TREML2: variants seen among roughly 807,000 people sequenced by gnomAD.
The protein encoded by TREML2 is trem-like transcript 2 protein.
Under a neutral mutation model 25.9 loss-of-function variants are expected in TREML2, and 24 were observed. That is an observed-to-expected ratio of 0.93 (90% CI 0.67 to 1.30). TREML2 has a LOEUF of 1.30. Among genes scored for constraint, TREML2 ranks in the 50% most tolerant of loss-of-function variants. The pLI, the probability that TREML2 is intolerant of heterozygous loss-of-function variation, is 0.00. For synonymous variants in TREML2, 139 were observed against 155.2 expected (o/e 0.90, Z 0.77); for missense variants, 359 against 395.6 (o/e 0.91, Z 0.78).
At chr6:41,192,632 G>T in intron 4 of TREML2, 126 bp from the exon 5 acceptor site, 2 of 1,176,968 alleles carry the variant, frequency 1.7e-6, no homozygotes, top group Non-Finnish European at 2.5e-6. Context: ...CCTTAGGGTT[G>T]TGCTGGGTGG....
At chr6:41,200,558 T>A (rs1371136639) in intron 1 of TREML2, among the ~76,000 whole-genome samples, 1 of 152,198 alleles carries the variant, frequency 6.6e-6, no homozygotes, top group Non-Finnish European at 1.5e-5. Flanking sequence ...GGATGTGGCA[T>A]CAGCATTTCA....
At chr6:41,200,403 T>G (rs1256269091) in intron 1 of TREML2, among the ~76,000 whole-genome samples, 3 of 152,088 alleles carry the variant, frequency 2.0e-5, no homozygotes, top group African/African-American at 7.2e-5. Flanking sequence ...ACCCCCACCA[T>G]GCCCAGAACT....
At chr6:41,197,560 A>G (rs1281028979) in intron 2 of TREML2, among the ~76,000 whole-genome samples, 1 of 151,862 alleles carries the variant, frequency 6.6e-6, no homozygotes, top group African/African-American at 2.4e-5. Flanking sequence ...GTGTTCTCTG[A>G]CCCCCAGTAC....
rs1766266494 is a variant in TREML2 at position 41,201,068 on chromosome 6, C to G, written c.-60G>C. 6.3e-7 allele frequency: 1 copy of G among 1,590,086 alleles called. No homozygotes were observed. Among genetic ancestry groups the G allele is most frequent in the Non-Finnish European group, 8.6e-7 (1 of 1,158,812 alleles). Reference sequence around the variant, plus strand: ...ATCCAAGGTGAGGGCCCACCCGACACAGGATGTGCCACCTGGGCCTGCCAG... The same window carrying G: ...ATCCAAGGTGAGGGCCCACCCGACAGAGGATGTGCCACCTGGGCCTGCCAG... On this transcript the variant is annotated 5_prime_UTR_variant, in exon 1 of 5. Transcript: ENST00000483722.
In TREML2 at chr6:41,201,063, C is replaced by A; in HGVS notation, c.-55G>T. 2 of 1,601,558 alleles carry A rather than the reference C, an allele frequency of 1.2e-6. No individual in the cohort carries two copies. The highest frequency in any genetic ancestry group is 1.1e-5 in the South Asian group (1 of 90,502). On this transcript the variant is annotated 5_prime_UTR_variant, in exon 1 of 5. Coordinates refer to ENST00000483722, the MANE Select transcript of TREML2 (RefSeq NM_024807.4). ...TGGAGATCCAAGGTGAGGGCCCACC[C>A]GACACAGGATGTGCCACCTGGGCCT...
chr6:41,196,878 T>G (rs1307773048), intron 2 of TREML2, among the ~76,000 whole-genome samples: 5 of 152,206 alleles, frequency 3.3e-5, no homozygotes, highest in Non-Finnish European at 7.3e-5. Flanking sequence ...TTTCCCCACT[T>G]GGGGTTCTAG....
At chr6:41,194,970 G>A (rs1483997628) in intron 2 of TREML2, 137 bp from the exon 3 acceptor site, 3 of 730,096 alleles carry the variant, frequency 4.1e-6, no homozygotes, top group Non-Finnish European at 6.5e-6. Context: ...CTTGGGCCTA[G>A]GATTCTGGCT....
rs112022837 is a variant in TREML2, at chr6:41,192,344, C to G, written c.*83G>C. ...CACAAGTCCTCCAGCTTCATAAGATCGATACTGGCCCCAATCTTCACCCCT... is the reference window on the plus strand; with the variant it reads ...CACAAGTCCTCCAGCTTCATAAGATGGATACTGGCCCCAATCTTCACCCCT... On this transcript the variant is annotated 3_prime_UTR_variant, in exon 5 of 5. Coordinates refer to ENST00000483722, the MANE Select transcript of TREML2 (RefSeq NM_024807.4). 71 of 1,099,500 alleles carry G rather than the reference C, an allele frequency of 6.5e-5. No homozygotes were observed. The South Asian group carries it at 9.3e-4, about 14-fold the overall frequency. The allele number at this position is 1,099,500 out of a possible 1,614,324, so 68.1% of individuals were successfully genotyped here.
rs574472789 is a variant in TREML2, at chr6:41,189,821, T to G, written c.*2606A>C. Among the ~76,000 whole-genome samples, 1 of 152,236 alleles carries G rather than the reference T, an allele frequency of 6.6e-6. No individual in the cohort carries two copies. Among genetic ancestry groups the G allele is most frequent in the East Asian group, 1.9e-4 (1 of 5,178 alleles). On this transcript the variant is annotated 3_prime_UTR_variant, in exon 5 of 5. Transcript: ENST00000483722. Reference sequence around the variant, plus strand: ...TGTGGAGAGGAGGCCTGAAAGAGGGTTGCCATTTTTACAGTTGAATGTAAA... The same window carrying G: ...TGTGGAGAGGAGGCCTGAAAGAGGGGTGCCATTTTTACAGTTGAATGTAAA...
intron 1 of TREML2, among the ~76,000 whole-genome samples, chr6:41,198,815 C>A (rs1249158413): frequency 6.6e-6 from 1 of 152,104 alleles, no homozygotes; most frequent in Non-Finnish European, 1.5e-5. Context: ...AAGTGACAAG[C>A]TCTGTCTTCA....
chr6:41,199,315 T>G (rs2113909848), intron 1 of TREML2, among the ~76,000 whole-genome samples: 2 of 152,340 alleles, frequency 1.3e-5, no homozygotes, highest in Admixed American at 1.3e-4. Context: ...TAACAGTTAT[T>G]TATTTCACAA....
In TREML2 at chr6:41,192,615, G is replaced by A; in HGVS notation, c.887-109C>T. 5 of 1,261,732 alleles carry A rather than the reference G, an allele frequency of 4.0e-6. No homozygotes were observed. The South Asian group carries it at 6.3e-5, about 16-fold the overall frequency. The allele number at this position is 1,261,732 out of a possible 1,614,324, so 78.2% of individuals were successfully genotyped here. On this transcript the variant is annotated intron_variant, in intron 4 of 4. Coordinates refer to ENST00000483722, the MANE Select transcript of TREML2 (RefSeq NM_024807.4). ...TGGCTCTGCCTCTGGTTCCTTCCAG[G>A]TCATCCCCTTAGGGTTGTGCTGGGT...
At position 41,196,046 on chromosome 6, in the gene TREML2, A is replaced by G. The variant is rs192077919; in HGVS notation, c.377-1213T>C. On this transcript the variant is annotated intron_variant, in intron 2 of 4. Coordinates refer to ENST00000483722, the MANE Select transcript of TREML2 (RefSeq NM_024807.4). ...ATATCCTATACTGCTAGATGACCAGAGTTTGTAGTTGGAATAAGGATTTTT... is the reference window on the plus strand; with the variant it reads ...ATATCCTATACTGCTAGATGACCAGGGTTTGTAGTTGGAATAAGGATTTTT... 5.1e-4 allele frequency among the ~76,000 whole-genome samples: 78 copies of G among 152,336 alleles called. 1 individual carries two copies. Among genetic ancestry groups the G allele is most frequent in the African/African-American group, 1.9e-3 (77 of 41,574 alleles).
At position 41,194,598 on chromosome 6, in the gene TREML2, C is replaced by G. The variant is rs1452054516; in HGVS notation, c.612G>C (p.Arg204Ser). The change falls in exon 3 of 5, where the codon AGG (arginine) becomes AGC (serine). Residue 204 changes from arginine (R) to serine (S), a missense_variant. Physicochemically the swap from Arg to Ser is moderately radical, Grantham distance 110 (BLOSUM62 -1). Transcript: ENST00000483722. ...ATSTTSQGPR[R>S]TMGSQTVTAS... ...CGGTCACTGTCTGGGACCCCATGGTCCTCCTGGGTCCCTGGCTGGTGGTGC... is the reference window on the plus strand; with the variant it reads ...CGGTCACTGTCTGGGACCCCATGGTGCTCCTGGGTCCCTGGCTGGTGGTGC... The G allele has an allele frequency of 6.2e-6, 10 of 1,613,936 alleles. No homozygotes were observed. The East Asian group carries it at 8.9e-5, about 14-fold the overall frequency.
rs1242520632 is a variant in TREML2 at position 41,189,835 on chromosome 6, G to GT, written c.*2591dup. Among the ~76,000 whole-genome samples the GT allele has an allele frequency of 1.3e-5, 2 of 152,232 alleles. No individual in the cohort carries two copies. The highest frequency in any genetic ancestry group is 4.8e-5 in the African/African-American group (2 of 41,454). Reference sequence around the variant, plus strand: ...CTGAAAGAGGGTTGCCATTTTTACAGTTGAATGTAAAGGCTTTTATAAGAA... The same window carrying GT: ...CTGAAAGAGGGTTGCCATTTTTACAGTTTGAATGTAAAGGCTTTTATAAGAA... On this transcript the variant is annotated 3_prime_UTR_variant, in exon 5 of 5. Transcript: ENST00000483722.
At chr6:41,197,318 A>C (rs1766184717) in intron 2 of TREML2, among the ~76,000 whole-genome samples, 1 of 152,094 alleles carries the variant, frequency 6.6e-6, no homozygotes, top group African/African-American at 2.4e-5. Context: ...CTTATACCTA[A>C]ATTCCAACTT....
chr6:41,201,082 T>C lies in TREML2; in HGVS notation c.-74A>G, dbSNP rs1030202382. 3 of 1,566,060 alleles carry C rather than the reference T, an allele frequency of 1.9e-6. No homozygotes were observed. Among genetic ancestry groups the C allele is most frequent in the Non-Finnish European group, 2.6e-6 (3 of 1,136,874 alleles). ...CCCACCCGACACAGGATGTGCCACCTGGGCCTGCCAGGGAAGGACCCGGGG... is the reference window on the plus strand; with the variant it reads ...CCCACCCGACACAGGATGTGCCACCCGGGCCTGCCAGGGAAGGACCCGGGG... On this transcript the variant is annotated 5_prime_UTR_variant, in exon 1 of 5. Transcript: ENST00000483722.
rs1766023650 is a variant in TREML2, at chr6:41,190,071, G to A, written c.*2356C>T. 6.6e-6 allele frequency among the ~76,000 whole-genome samples: 1 copy of A among 152,006 alleles called. No homozygotes were observed. Among genetic ancestry groups the A allele is most frequent in the South Asian group, 2.1e-4 (1 of 4,804 alleles). Reference sequence around the variant, plus strand: ...AGTCTGTCTTATCTATGAGGCTGTGGGCATGTCTTAGGCAAGCCCCCCTGT... The same window carrying A: ...AGTCTGTCTTATCTATGAGGCTGTGAGCATGTCTTAGGCAAGCCCCCCTGT... On this transcript the variant is annotated 3_prime_UTR_variant, in exon 5 of 5. Transcript: ENST00000483722.
At position 41,192,893 on chromosome 6, in the gene TREML2, T is replaced by A. The variant is rs1561888451; in HGVS notation, c.794A>T (p.Asp265Val). Residue 265 changes from aspartate to valine, a missense_variant, in exon 4 of 5, where the codon GAT becomes GTT. Physicochemically the swap from Asp to Val is radical, Grantham distance 152. Coordinates refer to ENST00000483722, the MANE Select transcript of TREML2 (RefSeq NM_024807.4). The stretch of plus-strand genomic sequence containing the variant: ...CACCCCAAGCACAGTGGAGTAAACA[T>A]CCTGGTGCCTGAGAAGAAGGGACAG... ...LPSMPSIRHQ[D>V]VYSTVLGVVL... is the part of the protein sequence containing the mutation. 1.3e-6 allele frequency: 2 copies of A among 1,570,746 alleles called. No individual in the cohort carries two copies. The highest frequency in any genetic ancestry group is 3.8e-5 in the Admixed American group (2 of 52,924).
Sources: gnomAD v4.1 joint callset for allele counts (sites outside exome capture counted in the v4.1 genomes callset) on GRCh38, gnomAD v4.1.1 for gene constraint, MANE v1.5 for transcripts, NCBI Gene and HGNC (gene_info 2026-07-23, HGNC 2026-07-21) for gene names.